The following ZNRF2 variants were observed in gnomAD, a reference collection of about 807,000 sequenced individuals.
ZNRF2 encodes zinc and ring finger 2, also known as E3 ubiquitin-protein ligase ZNRF2.
A neutral mutation model predicts 20.4 loss-of-function variants in ZNRF2; 16 were observed. The observed-to-expected ratio is 0.79, with a 90% CI of 0.53 to 1.19. ZNRF2 has a LOEUF of 1.19. ZNRF2 is among the 50% of genes most tolerant of loss of function. ZNRF2 has a pLI of 0.00. For synonymous variants in ZNRF2, 178 were observed against 144.9 expected (o/e 1.23, Z -1.64); for missense variants, 363 against 332.4 (o/e 1.09, Z -0.72).
At chr7:30,296,686 C>G (rs1165583907) in intron 1 of ZNRF2, among the ~76,000 whole-genome samples, 1 of 152,144 alleles carries the variant, frequency 6.6e-6, no homozygotes, top group South Asian at 2.1e-4. Context: ...CTCCTTTTGT[C>G]CACTCTTCCT....
At chr7:30,294,557 T>G (rs1583565381) in intron 1 of ZNRF2, among the ~76,000 whole-genome samples, 1 of 151,914 alleles carries the variant, frequency 6.6e-6, no homozygotes, top group Non-Finnish European at 1.5e-5. Flanking sequence ...CCCAGGTGGG[T>G]GGATCATCTG....
intron 2 of ZNRF2, among the ~76,000 whole-genome samples, chr7:30,344,394 T>C (rs545594473): frequency 1.3e-5 from 2 of 152,256 alleles, no homozygotes; most frequent in Non-Finnish European, 2.9e-5. Context: ...TTTTTTTCTA[T>C]GAGCAATAAT....
chr7:30,331,074 T>G (rs1473449658), intron 2 of ZNRF2, among the ~76,000 whole-genome samples: 3 of 152,208 alleles, frequency 2.0e-5, no homozygotes, highest in Non-Finnish European at 4.4e-5. Flanking sequence ...ATGGGAAATG[T>G]CAAATCTCTT....
intron 3 of ZNRF2, among the ~76,000 whole-genome samples, chr7:30,356,985 C>G (rs188475261): frequency 1.3e-5 from 2 of 152,172 alleles, no homozygotes; most frequent in Middle Eastern, 3.4e-3. Flanking sequence ...GAATAACATT[C>G]TATTTTTATG....
chr7:30,344,850 C>T (rs1376718921), intron 2 of ZNRF2, among the ~76,000 whole-genome samples: 1 of 152,126 alleles, frequency 6.6e-6, no homozygotes, highest in African/African-American at 2.4e-5. Flanking sequence ...AACAGTTTAA[C>T]TGGGTATGAA....
intron 1 of ZNRF2, among the ~76,000 whole-genome samples, chr7:30,297,694 A>G (rs1799040081): frequency 6.7e-6 from 1 of 149,806 alleles, no homozygotes; most frequent in African/African-American, 2.4e-5. Context: ...TTCATTGTGC[A>G]GCATATTTGG....
intron 1 of ZNRF2, among the ~76,000 whole-genome samples, chr7:30,295,998 C>T (rs1307203340): frequency 6.6e-6 from 1 of 152,106 alleles, no homozygotes; most frequent in Non-Finnish European, 1.5e-5. Context: ...CTCCCCTGAA[C>T]ATTTGAATTG....
intron 2 of ZNRF2, among the ~76,000 whole-genome samples, chr7:30,338,323 A>C (rs1300953977): frequency 6.6e-6 from 1 of 150,810 alleles, no homozygotes; most frequent in Non-Finnish European, 1.5e-5. Context: ...TGCAGAACAC[A>C]CAGGTTTGTT....
At chr7:30,340,667 G>A (rs1304167986) in intron 2 of ZNRF2, among the ~76,000 whole-genome samples, 3 of 152,086 alleles carry the variant, frequency 2.0e-5, no homozygotes, top group African/African-American at 2.4e-5. Flanking sequence ...TTTTCGCATC[G>A]ATGTTCATCA....
At chr7:30,317,941 T>C (rs1395954924) in intron 1 of ZNRF2, among the ~76,000 whole-genome samples, 1 of 152,230 alleles carries the variant, frequency 6.6e-6, no homozygotes, top group African/African-American at 2.4e-5. Flanking sequence ...AACCCATTCC[T>C]CTGTCACTGA....
chr7:30,291,871 A>G (rs1445006139), intron 1 of ZNRF2, among the ~76,000 whole-genome samples: 1 of 152,208 alleles, frequency 6.6e-6, no homozygotes, highest in African/African-American at 2.4e-5. Flanking sequence ...AAGTATTTTA[A>G]GAGACAGGGA....
At chr7:30,347,027 A>G (rs1799889724) in intron 2 of ZNRF2, among the ~76,000 whole-genome samples, 1 of 152,098 alleles carries the variant, frequency 6.6e-6, no homozygotes, top group Admixed American at 6.6e-5. Flanking sequence ...TTTTACTGGT[A>G]AAGTTGTCAT....
chr7:30,361,916 A>G (rs1448530247), intron 3 of ZNRF2, among the ~76,000 whole-genome samples: 1 of 152,192 alleles, frequency 6.6e-6, no homozygotes, highest in African/African-American at 2.4e-5. Flanking sequence ...ACATGGTGGG[A>G]TAGGATTTAA....
Position 30,284,984 on chromosome 7 carries a change from C to T in ZNRF2, c.-374C>T. 1 of 339,424 alleles carries T rather than the reference C, an allele frequency of 2.9e-6. No homozygotes were observed. The allele number at this position is 339,424 out of a possible 1,614,324, so 21.0% of individuals were successfully genotyped here. On this transcript the variant is annotated 5_prime_UTR_variant, in exon 1 of 5. Transcript: ENST00000323037. ...GAGGAGGCGGTGCCGAGATCGGGGG[C>T]GCCGAGCGCGGCAGCAGAGAGCGGT...
chr7:30,325,606 T>G (rs187979085), intron 2 of ZNRF2, among the ~76,000 whole-genome samples: 34 of 152,328 alleles, frequency 2.2e-4, no homozygotes, highest in Admixed American at 1.9e-3. Context: ...TGGTAGTGTT[T>G]TGCAAGTTGA....
chr7:30,355,658 C>T (rs1248082976), intron 2 of ZNRF2, 70 bp from the exon 3 acceptor site: 3 of 1,254,558 alleles, frequency 2.4e-6, no homozygotes, highest in East Asian at 4.9e-5. Flanking sequence ...TATCAGTTAG[C>T]ATTCACGTAA....
chr7:30,293,200 T>A (rs1583564560), intron 1 of ZNRF2, among the ~76,000 whole-genome samples: 1 of 152,106 alleles, frequency 6.6e-6, no homozygotes, highest in African/African-American at 2.4e-5. Flanking sequence ...TTGGTACAGA[T>A]GTAATAAAAT....
intron 1 of ZNRF2, among the ~76,000 whole-genome samples, chr7:30,295,040 A>AGGGAGG (rs1798989718): frequency 8.7e-6 from 1 of 115,028 alleles, no homozygotes; most frequent in African/African-American, 4.1e-5. Context: ...AGAGAGAGAG[A>AGGGAGG]GAGAGAGAGA....
chr7:30,301,624 T>C (rs1799115592), intron 1 of ZNRF2, among the ~76,000 whole-genome samples: 1 of 150,910 alleles, frequency 6.6e-6, no homozygotes, highest in African/African-American at 2.4e-5. Context: ...TCAGTCAAAC[T>C]AGCTTTAGAA....
Sources: allele counts gnomAD v4.1 joint callset (sites outside exome capture counted in the v4.1 genomes callset), GRCh38; gene constraint gnomAD v4.1.1; transcripts MANE v1.5; gene names NCBI Gene and HGNC (gene_info 2026-07-23, HGNC 2026-07-21).